The following PGLYRP4 variants were observed in gnomAD, a reference collection of about 807,000 sequenced individuals.
The protein encoded by PGLYRP4 is PGRP-I-beta.
In PGLYRP4, 39 loss-of-function variants were observed where a neutral mutation model predicts 41.2. The ratio of observed to expected loss-of-function variants is 0.95; its 90% CI spans 0.73 to 1.24. The LOEUF (loss-of-function observed/expected upper bound fraction) is 1.24. Among genes scored for constraint, PGLYRP4 ranks in the 50% most tolerant of loss-of-function variants. The probability of loss-of-function intolerance (pLI) is 0.00; values close to 1 mark genes in which losing one functional copy is unlikely to be tolerated. For synonymous variants in PGLYRP4, 202 were observed against 186.8 expected (o/e 1.08, Z -0.66); for missense variants, 467 against 460.7 (o/e 1.01, Z -0.13).
intron 4 of PGLYRP4, 133 bp from the exon 5 acceptor site, chr1:153,343,341 C>A: frequency 1.6e-6 from 1 of 640,064 alleles, no homozygotes; most frequent in Non-Finnish European, 2.8e-6. Context: ...ATGAACTCTT[C>A]CCAGACATTG....
intron 5 of PGLYRP4, 118 bp from the exon 6 acceptor site, chr1:153,341,897 A>C (rs1660818918): frequency 1.1e-6 from 1 of 906,230 alleles, no homozygotes; most frequent in East Asian, 2.5e-5. Context: ...AGAAAAGGGA[A>C]CAGGTTATGC....
At position 153,331,773 on chromosome 1, in the gene PGLYRP4, T is replaced by G. The variant is rs559123040; in HGVS notation, c.944-828A>C. 2.0e-5 allele frequency: 3 copies of G among 152,496 alleles called. 1 individual carries two copies. The highest frequency in any genetic ancestry group is 6.5e-5 in the Admixed American group (1 of 15,300). 9.4% of individuals were successfully genotyped at this position (152,496 alleles called of 1,614,324 possible). A position where few individuals can be genotyped will look rare whatever the true frequency, so the allele number is the denominator to read the frequency against. On this transcript the variant is annotated intron_variant, in intron 8 of 8. Coordinates refer to ENST00000359650, the MANE Select transcript of PGLYRP4 (RefSeq NM_020393.4). Reference sequence around the variant, plus strand: ...CCTAAAGGAGCAAATGCTAAGGGAATTTGTCACCACTAGGCTGGTCCTATA... The same window carrying G: ...CCTAAAGGAGCAAATGCTAAGGGAAGTTGTCACCACTAGGCTGGTCCTATA...
At chr1:153,334,451 A>AAT (rs1008319113) in intron 8 of PGLYRP4, among the ~76,000 whole-genome samples, 10 of 85,250 alleles carry the variant, frequency 1.2e-4, no homozygotes, top group Admixed American at 3.2e-4. Context: ...TGTGTGTATA[A>AAT]ATATATATAT....
chr1:153,337,124 C>T, intron 8 of PGLYRP4, 57 bp downstream of exon 8: 1 of 1,207,666 alleles, frequency 8.3e-7, no homozygotes, highest in Non-Finnish European at 1.2e-6. Context: ...TCTTCCATGT[C>T]AGATGCTCTC....
intron 5 of PGLYRP4, 36 bp from the exon 6 acceptor site, chr1:153,341,815 G>A (rs969399879): frequency 1.3e-6 from 2 of 1,591,330 alleles, no homozygotes; most frequent in Non-Finnish European, 1.7e-6. Flanking sequence ...CCTCCACCCA[G>A]CCTGAGTTTC....
chr1:153,334,753 C>A (rs1571126554), intron 8 of PGLYRP4, among the ~76,000 whole-genome samples: 1 of 151,990 alleles, frequency 6.6e-6, no homozygotes, highest in East Asian at 1.9e-4. Flanking sequence ...CAAAGCAATT[C>A]TAAGTAAAAA....
At chr1:153,331,239 G>A (rs2101545309) in intron 8 of PGLYRP4, among the ~76,000 whole-genome samples, 1 of 152,282 alleles carries the variant, frequency 6.6e-6, no homozygotes, top group African/African-American at 2.4e-5. Context: ...GCCCCCCAAA[G>A]GACATTTGGC....
chr1:153,346,350 C>A (rs1661008408), intron 2 of PGLYRP4, among the ~76,000 whole-genome samples, 159 bp from the exon 3 acceptor site: 2 of 152,174 alleles, frequency 1.3e-5, no homozygotes, highest in Admixed American at 6.5e-5. Context: ...GACCAGAGGG[C>A]CACCTCTAAT....
intron 7 of PGLYRP4, among the ~76,000 whole-genome samples, 179 bp downstream of exon 7, chr1:153,340,202 C>T (rs951179278): frequency 2.0e-5 from 3 of 152,168 alleles, no homozygotes; most frequent in Non-Finnish European, 2.9e-5. Context: ...TGACTACCCC[C>T]TTGGCTATCT....
intron 5 of PGLYRP4, 80 bp from the exon 6 acceptor site, chr1:153,341,859 C>A: frequency 7.1e-7 from 1 of 1,411,584 alleles, no homozygotes; most frequent in Non-Finnish European, 9.7e-7. Flanking sequence ...AGATGCTCTG[C>A]CAGCCCCTGC....
rs1660758135 is a variant in PGLYRP4 at position 153,340,590 on chromosome 1, G to A, written c.626-11C>T. 3.7e-6 allele frequency: 6 copies of A among 1,612,706 alleles called. No homozygotes were observed. The highest frequency in any genetic ancestry group is 5.1e-6 in the Non-Finnish European group (6 of 1,179,670). On this transcript the variant is annotated splice_polypyrimidine_tract_variant and intron_variant, in intron 6 of 8. Transcript: ENST00000359650. ...CAACGCCGGGGCAAGCTGAGGTGGG[G>A]CGAGAAACCACAGAGGGTTCATCTT...
intron 5 of PGLYRP4, among the ~76,000 whole-genome samples, chr1:153,342,369 T>C (rs941570365): frequency 3.3e-5 from 5 of 152,208 alleles, no homozygotes; most frequent in African/African-American, 1.2e-4. Flanking sequence ...ATTCCTCTCC[T>C]TCTAGCTGTG....
At chr1:153,348,205 G>T (rs558013318) in intron 1 of PGLYRP4, among the ~76,000 whole-genome samples, 1 of 152,172 alleles carries the variant, frequency 6.6e-6, no homozygotes, top group African/African-American at 2.4e-5. Context: ...CGGCGTGCAA[G>T]GCTGTGTACA....
intron 3 of PGLYRP4, among the ~76,000 whole-genome samples, 168 bp from the exon 4 acceptor site, chr1:153,345,550 G>A (rs181153991): frequency 4.6e-5 from 7 of 152,098 alleles, no homozygotes; most frequent in Non-Finnish European, 7.4e-5. Flanking sequence ...CACTCACCCC[G>A]AACACAGACT....
In PGLYRP4 at chr1:153,330,903, A is replaced by G; in HGVS notation, c.986T>C (p.Leu329Pro). The G allele has an allele frequency of 6.2e-7, 1 of 1,614,022 alleles. No homozygotes were observed. Among genetic ancestry groups the G allele is most frequent in the Non-Finnish European group, 8.5e-7 (1 of 1,179,926 alleles). ...CCCTTTGACCATGGCACACTGGATC[A>G]GGTCTTGGGCTGCCTCTAGTGCTGC... is the stretch of plus-strand genomic sequence containing the variant. Reference protein sequence around the residue: ...NAAALEAAQDLIQCAMVKGYL... With the variant: ...NAAALEAAQDPIQCAMVKGYL... The change falls in exon 9 of 9, where the codon CTG becomes CCG. Residue 329 changes from leucine to proline, a missense_variant. Transcript: ENST00000359650.
At chr1:153,334,338 G>A (rs1296585021) in intron 8 of PGLYRP4, among the ~76,000 whole-genome samples, 1 of 150,378 alleles carries the variant, frequency 6.6e-6, no homozygotes, top group African/African-American at 2.4e-5. Flanking sequence ...AAATACACCT[G>A]TTATATATAG....
In PGLYRP4 at chr1:153,344,628, A is replaced by G. The variant is rs1039349348; in HGVS notation, c.353+541T>C. On this transcript the variant is annotated intron_variant, in intron 4 of 8. Transcript: ENST00000359650. ...CAGAGGTGAGCCAAGGGCATGTGGTATGGGCACCAGTACGACCTACTAGAG... is the reference window on the plus strand; with the variant it reads ...CAGAGGTGAGCCAAGGGCATGTGGTGTGGGCACCAGTACGACCTACTAGAG... 3.3e-5 allele frequency among the ~76,000 whole-genome samples: 5 copies of G among 152,200 alleles called. No homozygotes were observed. The East Asian group carries it at 7.7e-4, about 23-fold the overall frequency.
intron 8 of PGLYRP4, 126 bp downstream of exon 8, chr1:153,337,055 G>A: frequency 1.3e-6 from 1 of 788,436 alleles, no homozygotes; most frequent in Non-Finnish European, 2.2e-6. Context: ...TGTTGGATTG[G>A]AAGCTGGGTC....
intron 6 of PGLYRP4, 71 bp downstream of exon 6, chr1:153,341,556 C>A (rs1660799330): frequency 1.4e-6 from 2 of 1,417,192 alleles, no homozygotes; most frequent in Non-Finnish European, 1.9e-6. Context: ...AAAGGTCACT[C>A]CCAATGGTAT....
Sources: allele counts gnomAD v4.1 joint callset (sites outside exome capture counted in the v4.1 genomes callset), GRCh38; gene constraint gnomAD v4.1.1; transcripts MANE v1.5; gene names NCBI Gene and HGNC (gene_info 2026-07-23, HGNC 2026-07-21).